The following SOX30 variants were observed in gnomAD, a reference collection of about 807,000 sequenced individuals.
The protein encoded by SOX30 is SRY-box transcription factor 30.
Under a neutral mutation model 58.6 loss-of-function variants are expected in SOX30, and 17 were observed. That is an observed-to-expected ratio of 0.29 (90% CI 0.20 to 0.44). The LOEUF is 0.44. SOX30 is among the 20% of genes least tolerant of loss of function. The pLI, the probability that SOX30 is intolerant of heterozygous loss-of-function variation, is 1.00. For missense variants in SOX30, 951 were observed against 965.8 expected (o/e 0.98, Z 0.20); for synonymous variants, 421 against 400.2 (o/e 1.05, Z -0.62).
At chr5:157,645,212 AAACAAC>A (rs149102002) in intron 3 of SOX30, among the ~76,000 whole-genome samples, 1 of 152,132 alleles carries the variant, frequency 6.6e-6, no homozygotes, top group Non-Finnish European at 1.5e-5. Context: ...ATACATTAAA[AAACAAC>A]AACAACAACA....
intron 2 of SOX30, among the ~76,000 whole-genome samples, chr5:157,666,915 AG>A (rs1485142164): frequency 6.6e-6 from 1 of 152,156 alleles, no homozygotes; most frequent in Non-Finnish European, 1.5e-5. Context: ...CATGTTGGCC[AG>A]GCTGGTCTCC....
chr5:157,631,213 A>AG (rs1274864231), intron 4 of SOX30, among the ~76,000 whole-genome samples: 1 of 150,950 alleles, frequency 6.6e-6, no homozygotes, highest in Non-Finnish European at 1.5e-5. Flanking sequence ...CCTCCCAAGT[A>AG]CCTGAGACTA....
chr5:157,645,708 T>C (rs1211492430), intron 3 of SOX30, among the ~76,000 whole-genome samples: 2 of 150,768 alleles, frequency 1.3e-5, no homozygotes, highest in African/African-American at 4.9e-5. Flanking sequence ...TATAAAGCTC[T>C]CCCTTAAAGA....
In SOX30 at chr5:157,632,047, T is replaced by TAAA. The variant is rs570172679; in HGVS notation, c.1881-5329_1881-5327dup. On this transcript the variant is annotated intron_variant, in intron 4 of 4. Transcript: ENST00000265007. Reference sequence around the variant, plus strand: ...GACACAGCAAGACCCACCCCGTAACTAAAAAAAAAAAAAAAAAAAAAAAAA... The same window carrying TAAA: ...GACACAGCAAGACCCACCCCGTAACTAAAAAAAAAAAAAAAAAAAAAAAAAAAA... Among the ~76,000 whole-genome samples, 50 of 56,396 alleles carry TAAA rather than the reference T, an allele frequency of 8.9e-4. 1 individual carries two copies. In the East Asian group the frequency reaches 8.9e-3, roughly 10 times the overall value. The allele number at this position is 56,396 out of a possible 152,430, so 37.0% of individuals were successfully genotyped here. A position where few individuals can be genotyped will look rare whatever the true frequency, so the allele number is the denominator to read the frequency against.
intron 2 of SOX30, among the ~76,000 whole-genome samples, chr5:157,663,542 C>A (rs1201901393): frequency 1.3e-5 from 2 of 152,130 alleles, no homozygotes; most frequent in Non-Finnish European, 2.9e-5. Context: ...AAAACTGGCA[C>A]AAGACAGGGA....
chr5:157,629,281 A>G (rs1758732101), intron 4 of SOX30, among the ~76,000 whole-genome samples: 1 of 152,202 alleles, frequency 6.6e-6, no homozygotes, highest in African/African-American at 2.4e-5. Context: ...AAAATGTTAT[A>G]TATCAATAAA....
At chr5:157,655,813 G>A (rs185531416), upstream of SOX30, among the ~76,000 whole-genome samples, 3 of 152,324 alleles carry the variant, frequency 2.0e-5, no homozygotes, top group Admixed American at 2.0e-4. Flanking sequence ...TTTGATTAAT[G>A]GAAGAAAGGA....
chr5:157,658,130 C>T (rs1340749787), intron 2 of SOX30, among the ~76,000 whole-genome samples: 1 of 152,192 alleles, frequency 6.6e-6, no homozygotes, highest in African/African-American at 2.4e-5. Flanking sequence ...TGGCAGGGCT[C>T]AGCTCTGAAA....
intron 4 of SOX30, among the ~76,000 whole-genome samples, chr5:157,631,683 C>T (rs997451454): frequency 6.6e-6 from 1 of 150,570 alleles, no homozygotes; most frequent in Non-Finnish European, 1.5e-5. Flanking sequence ...ATTGCTTGCT[C>T]GAACCCGGGA....
chr5:157,660,880 A>G (rs746900691), intron 2 of SOX30, among the ~76,000 whole-genome samples: 11 of 152,232 alleles, frequency 7.2e-5, no homozygotes, highest in Non-Finnish European at 1.0e-4. Flanking sequence ...TATTGAATCT[A>G]TGGATCAATT....
intron 4 of SOX30, among the ~76,000 whole-genome samples, chr5:157,627,465 TG>T (rs777291173): frequency 1.3e-5 from 2 of 152,046 alleles, no homozygotes; most frequent in Non-Finnish European, 2.9e-5. Context: ...AAGCTCATGT[TG>T]GGGGGGAAAT....
intron 2 of SOX30, among the ~76,000 whole-genome samples, chr5:157,666,516 CA>C (rs1204217742): frequency 6.7e-5 from 10 of 149,064 alleles, no homozygotes; most frequent in African/African-American, 2.5e-4. Context: ...CACACACACA[CA>C]CACACACACA....
At chr5:157,637,874 A>G (rs926154194) in intron 4 of SOX30, among the ~76,000 whole-genome samples, 1 of 152,092 alleles carries the variant, frequency 6.6e-6, no homozygotes, top group Non-Finnish European at 1.5e-5. Context: ...TTGTATTTTT[A>G]GTAGAGACAG....
intron 2 of SOX30, among the ~76,000 whole-genome samples, chr5:157,661,916 G>T (rs1254429665): frequency 6.6e-6 from 1 of 151,934 alleles, no homozygotes; most frequent in African/African-American, 2.4e-5. Flanking sequence ...GATTTCCATT[G>T]GATTGGTATT....
intron 4 of SOX30, among the ~76,000 whole-genome samples, chr5:157,627,746 G>A (rs1758692429): frequency 6.6e-6 from 1 of 152,122 alleles, no homozygotes; most frequent in African/African-American, 2.4e-5. Context: ...TGTAATCCCA[G>A]CACTCTGGGA....
At chr5:157,662,541 A>G (rs1336392433) in intron 2 of SOX30, among the ~76,000 whole-genome samples, 1 of 152,228 alleles carries the variant, frequency 6.6e-6, no homozygotes, top group Non-Finnish European at 1.5e-5. Flanking sequence ...CATTCAGTAG[A>G]AAATATTTTA....
chr5:157,657,419 A>C (rs1462773097), upstream of SOX30, among the ~76,000 whole-genome samples: 1 of 152,200 alleles, frequency 6.6e-6, no homozygotes, highest in Non-Finnish European at 1.5e-5. Context: ...AAGTTGGTTT[A>C]TAATCAACTG....
In SOX30 at chr5:157,646,671, A is replaced by T; in HGVS notation, c.1353T>A (p.Ile451=). 1 of 1,612,436 alleles carries T rather than the reference A, an allele frequency of 6.2e-7. No individual in the cohort carries two copies. Among genetic ancestry groups the T allele is most frequent in the Non-Finnish European group, 8.5e-7 (1 of 1,179,268 alleles). The change falls in exon 3 of 5, where the codon ATT becomes ATA. Residue 451 remains isoleucine (I), a synonymous_variant. Coordinates refer to ENST00000265007, the MANE Select transcript of SOX30 (RefSeq NM_178424.2). ...GAGTGATGGGATTCTGTAGGCTGGG[A>T]ATTACCACAGAGTACGTAGGTGAGC... is the stretch of plus-strand genomic sequence containing the variant. ...PYRSPTYSVV[I]PSLQNPITHP...
At chr5:157,655,946 T>C (rs151170323), upstream of SOX30, among the ~76,000 whole-genome samples, 813 of 152,370 alleles carry the variant, frequency 5.3e-3, 5 homozygotes, top group African/African-American at 0.019. Context: ...ATAAGCCTGC[T>C]GTTCAAGATG....
Sources: gnomAD v4.1 joint callset for allele counts (sites outside exome capture counted in the v4.1 genomes callset) on GRCh38, gnomAD v4.1.1 for gene constraint, MANE v1.5 for transcripts, NCBI Gene and HGNC (gene_info 2026-07-23, HGNC 2026-07-21) for gene names.